Variants in PALLD observed in about 807,000 individuals in gnomAD.
PALLD encodes palladin.
A neutral mutation model predicts 123.5 loss-of-function variants in PALLD; 61 were observed. The ratio of observed to expected loss-of-function variants is 0.49; its 90% CI spans 0.40 to 0.61. PALLD has a LOEUF of 0.61. Ranked by LOEUF, PALLD falls within the 20% of genes least tolerant of loss-of-function variation. The pLI, the probability that PALLD is intolerant of heterozygous loss-of-function variation, is 0.00. For synonymous variants in PALLD, 465 were observed against 496.4 expected (o/e 0.94, Z 0.84); for missense variants, 1,273 against 1,377.0 (o/e 0.92, Z 1.20).
At chr4:168,514,853 T>C (rs529322718) in intron 2 of PALLD, among the ~76,000 whole-genome samples, 2 of 152,210 alleles carry the variant, frequency 1.3e-5, no homozygotes, top group Non-Finnish European at 2.9e-5. Context: ...ATAATTACTG[T>C]ATTAAAATTC....
chr4:168,703,937 G>T (rs1030899292), intron 8 of PALLD, among the ~76,000 whole-genome samples: 45 of 152,060 alleles, frequency 3.0e-4, no homozygotes, highest in Admixed American at 2.2e-3. Context: ...GTCAATTTTG[G>T]CTTTTGTTGC....
chr4:168,886,960 T>C (rs1221737794), intron 10 of PALLD, among the ~76,000 whole-genome samples: 1 of 150,992 alleles, frequency 6.6e-6, no homozygotes, highest in African/African-American at 2.4e-5. Context: ...CTACTAAAAA[T>C]ACAAAAATTA....
chr4:168,680,973 C>T (rs1781497230), intron 3 of PALLD, among the ~76,000 whole-genome samples: 1 of 152,150 alleles, frequency 6.6e-6, no homozygotes, highest in African/African-American at 2.4e-5. Flanking sequence ...GAGAAGGTTA[C>T]AGTTTAAAAG....
intron 10 of PALLD, among the ~76,000 whole-genome samples, chr4:168,812,445 A>C (rs1741301338): frequency 6.6e-6 from 1 of 152,244 alleles, no homozygotes; most frequent in African/African-American, 2.4e-5. Context: ...AATAGGGCTG[A>C]TCTGCCTGGA....
intron 8 of PALLD, 116 bp from the exon 9 acceptor site, chr4:168,708,912 G>C: frequency 1.1e-6 from 1 of 921,724 alleles, no homozygotes; most frequent in Non-Finnish European, 1.7e-6. Context: ...TTTGTAAAGT[G>C]AATCTGTAAT....
At chr4:168,587,683 G>A (rs1770974895) in intron 2 of PALLD, among the ~76,000 whole-genome samples, 4 of 152,070 alleles carry the variant, frequency 2.6e-5, no homozygotes, top group Admixed American at 2.0e-4. Context: ...CTCCCCTGCT[G>A]TAGCAATTCC....
chr4:168,759,075 A>T (rs1188192522), intron 10 of PALLD, among the ~76,000 whole-genome samples: 1 of 148,020 alleles, frequency 6.8e-6, no homozygotes, highest in African/African-American at 2.5e-5. Flanking sequence ...GCTACTCAGG[A>T]GGCTGAGGCA....
chr4:168,587,906 G>A (rs570826370), intron 2 of PALLD, among the ~76,000 whole-genome samples: 4 of 152,208 alleles, frequency 2.6e-5, no homozygotes, highest in African/African-American at 9.6e-5. Flanking sequence ...GGGAAGGTAA[G>A]GCTGCAAGCA....
intron 1 of PALLD, among the ~76,000 whole-genome samples, chr4:168,502,238 C>T (rs907773695): frequency 6.6e-6 from 1 of 152,096 alleles, no homozygotes; most frequent in Non-Finnish European, 1.5e-5. Context: ...CCTGAGCTTG[C>T]TAGTATCCGT....
chr4:168,843,028 G>A (rs1323425211), intron 10 of PALLD, among the ~76,000 whole-genome samples: 5 of 152,190 alleles, frequency 3.3e-5, no homozygotes, highest in African/African-American at 1.2e-4. Context: ...CATAGTATAC[G>A]AAGGCCAGGG....
At chr4:168,585,924 A>T (rs1340102242) in intron 2 of PALLD, among the ~76,000 whole-genome samples, 1 of 152,138 alleles carries the variant, frequency 6.6e-6, no homozygotes. Context: ...TGTCAGGAAA[A>T]TAGCATTAGC....
chr4:168,750,237 G>A (rs777062087), intron 10 of PALLD, among the ~76,000 whole-genome samples: 37 of 152,122 alleles, frequency 2.4e-4, no homozygotes, highest in Non-Finnish European at 4.3e-4. Flanking sequence ...GTGAACCAAT[G>A]CGCCTGGCCA....
At chr4:168,813,917 T>G (rs766246253) in intron 10 of PALLD, among the ~76,000 whole-genome samples, 1 of 152,130 alleles carries the variant, frequency 6.6e-6, no homozygotes, top group Non-Finnish European at 1.5e-5. Flanking sequence ...GAGCCCCTTT[T>G]CATTATGGAA....
At chr4:168,595,189 G>A (rs774632800) in intron 2 of PALLD, among the ~76,000 whole-genome samples, 3 of 152,090 alleles carry the variant, frequency 2.0e-5, no homozygotes, top group Non-Finnish European at 4.4e-5. Flanking sequence ...GTGGTTATCC[G>A]CTGTCTTTTA....
chr4:168,859,478 A>C (rs1749119915), intron 10 of PALLD, among the ~76,000 whole-genome samples: 1 of 152,242 alleles, frequency 6.6e-6, no homozygotes, highest in Admixed American at 6.5e-5. Flanking sequence ...AAGAGTGGAA[A>C]GGCTTGAGAA....
intron 21 of PALLD, 38 bp from the exon 22 acceptor site, chr4:168,926,175 C>CTTGA: frequency 6.9e-7 from 1 of 1,457,116 alleles, no homozygotes; most frequent in South Asian, 1.4e-5. Context: ...CCAAGTATAT[C>CTTGA]TTGATTAAAA....
chr4:168,829,454 G>C (rs1194757413), intron 10 of PALLD, among the ~76,000 whole-genome samples: 1 of 152,160 alleles, frequency 6.6e-6, no homozygotes, highest in African/African-American at 2.4e-5. Context: ...TCAGACATCT[G>C]TTTTATTCTT....
chr4:168,786,922 T>C (rs1736844454), intron 10 of PALLD, among the ~76,000 whole-genome samples: 1 of 152,192 alleles, frequency 6.6e-6, no homozygotes, highest in African/African-American at 2.4e-5. Context: ...CAAAGCAAGA[T>C]GGAAACATCC....
intron 2 of PALLD, among the ~76,000 whole-genome samples, chr4:168,513,626 C>T (rs10018076): frequency 0.29 from 44,568 of 152,000 alleles, 6,659 homozygotes; most frequent in Non-Finnish European, 0.33. Flanking sequence ...CAGTACCTTG[C>T]AGCTAGTAAC....
Sources: allele counts gnomAD v4.1 joint callset (sites outside exome capture counted in the v4.1 genomes callset), GRCh38; gene constraint gnomAD v4.1.1; transcripts MANE v1.5; gene names NCBI Gene and HGNC (gene_info 2026-07-23, HGNC 2026-07-21).